Variants in CPD observed in about 807,000 individuals in gnomAD.
The protein encoded by CPD is carboxypeptidase D.
In CPD, 69 loss-of-function variants were observed where a neutral mutation model predicts 138.3. The observed-to-expected ratio is 0.50, with a 90% CI of 0.41 to 0.61. The LOEUF is 0.61. CPD is among the 20% of genes least tolerant of loss of function. The probability of loss-of-function intolerance (pLI) is 0.00; values close to 1 mark genes in which losing one functional copy is unlikely to be tolerated. For missense variants in CPD, 1,432 were observed against 1,733.3 expected, an observed-to-expected ratio of 0.83 and a Z score of 3.09; for synonymous variants, 651 against 642.1, an observed-to-expected ratio of 1.01 and a Z score of -0.21.
At position 30,469,902 on chromosome 17, in the gene CPD, T is replaced by C. The variant is rs530119321; in HGVS notation, c.*5088T>C. On this transcript the variant is annotated 3_prime_UTR_variant, in exon 21 of 21. Coordinates refer to ENST00000225719, the MANE Select transcript of CPD (RefSeq NM_001304.5). ...TCAAGAACCCTTTTGGTTTGTTTCATAAACAGTAATCTAGTTATTATGTTC... is the reference window on the plus strand; with the variant it reads ...TCAAGAACCCTTTTGGTTTGTTTCACAAACAGTAATCTAGTTATTATGTTC... 2 of 152,298 alleles carry C rather than the reference T, an allele frequency of 1.3e-5. No homozygotes were observed. Among genetic ancestry groups the C allele is most frequent in the Admixed American group, 6.5e-5 (1 of 15,304 alleles). 9.4% of individuals were successfully genotyped at this position (152,298 alleles called of 1,614,324 possible). A position where few individuals can be genotyped will look rare whatever the true frequency, so the allele number is the denominator to read the frequency against.
rs1476779881 is a variant in CPD, at chr17:30,422,818, T to C, written c.1452T>C (p.Asn484=). 6 of 1,614,002 alleles carry C rather than the reference T, an allele frequency of 3.7e-6. No individual in the cohort carries two copies. The highest frequency in any genetic ancestry group is 5.1e-6 in the Non-Finnish European group (6 of 1,179,966). The change falls in exon 5 of 21, where the codon AAT becomes AAC. Residue 484 remains asparagine (N), a synonymous_variant. Transcript: ENST00000225719. ...VSTASTVAIP[N]ILSGTSSSYQ... ...CTGCTAGCACAGTTGCTATACCTAA[T>C]ATTCTTTCTGGAACATCATCCTCCT...
chr17:30,441,844 TTCA>T (rs1367428632), intron 9 of CPD, among the ~76,000 whole-genome samples: 3 of 149,096 alleles, frequency 2.0e-5, no homozygotes, highest in Non-Finnish European at 4.5e-5. Flanking sequence ...TGCATCAATG[TTCA>T]TCAAGGATAT....
Position 30,442,345 on chromosome 17 carries a change from C to T in CPD, c.2268C>T (p.Cys756=), listed in dbSNP as rs749927833. The T allele has an allele frequency of 1.2e-6, 2 of 1,613,222 alleles. No homozygotes were observed. Among genetic ancestry groups the T allele is most frequent in the Non-Finnish European group, 1.7e-6 (2 of 1,179,456 alleles). The change falls in exon 10 of 21, where the codon TGC becomes TGT. Residue 756 remains cysteine (C), a synonymous_variant. Coordinates refer to ENST00000225719, the MANE Select transcript of CPD (RefSeq NM_001304.5). ...ACTGGAACTATTTACAAACAAATTG[C>T]TTTGAAGTGACTATTGAACTAGGTT... is the stretch of plus-strand genomic sequence containing the variant. ...MQDWNYLQTN[C]FEVTIELGCV...
chr17:30,458,287 C>T (rs1913354601), intron 17 of CPD, among the ~76,000 whole-genome samples: 2 of 152,110 alleles, frequency 1.3e-5, no homozygotes, highest in South Asian at 4.1e-4. Flanking sequence ...AGTATTTTCT[C>T]CTATTCTTTA....
At chr17:30,411,723 C>A (rs1911973239) in intron 2 of CPD, among the ~76,000 whole-genome samples, 1 of 152,158 alleles carries the variant, frequency 6.6e-6, no homozygotes, top group Admixed American at 6.5e-5. Context: ...CATTTAAGGT[C>A]TTCTCTACAC....
At chr17:30,453,170 G>A (rs1333168206) in intron 14 of CPD, among the ~76,000 whole-genome samples, 12 of 152,048 alleles carry the variant, frequency 7.9e-5, no homozygotes, top group African/African-American at 2.7e-4. Flanking sequence ...GTCCCCCAAA[G>A]TCTTATTTCA....
intron 2 of CPD, among the ~76,000 whole-genome samples, chr17:30,392,980 CT>C (rs1911399951): frequency 6.6e-6 from 1 of 152,168 alleles, no homozygotes; most frequent in Admixed American, 6.5e-5. Flanking sequence ...TTATATTTGT[CT>C]TCTTAAGCCA....
intron 3 of CPD, among the ~76,000 whole-genome samples, chr17:30,421,384 C>T (rs1345179806): frequency 6.6e-6 from 1 of 152,146 alleles, no homozygotes; most frequent in Non-Finnish European, 1.5e-5. Context: ...CAATTGAATA[C>T]ACCAGCAGTT....
chr17:30,427,839 T>A (rs1014307460), intron 7 of CPD, among the ~76,000 whole-genome samples: 2 of 150,724 alleles, frequency 1.3e-5, no homozygotes, highest in Non-Finnish European at 3.0e-5. Flanking sequence ...ACCTACTACT[T>A]CTCTTTCCCT....
intron 17 of CPD, among the ~76,000 whole-genome samples, chr17:30,459,178 C>T (rs963853935): frequency 4.2e-4 from 47 of 113,164 alleles, no homozygotes; most frequent in East Asian, 1.7e-3. Flanking sequence ...TGTTGTTTTC[C>T]TTTTTTTTAA....
intron 2 of CPD, among the ~76,000 whole-genome samples, chr17:30,397,069 AT>A (rs1911528260): frequency 6.6e-6 from 1 of 152,142 alleles, no homozygotes; most frequent in Non-Finnish European, 1.5e-5. Context: ...AAAAGGAACA[AT>A]TTGGTGATTA....
intron 12 of CPD, among the ~76,000 whole-genome samples, chr17:30,446,507 A>T (rs1355263188): frequency 6.6e-6 from 1 of 152,222 alleles, no homozygotes; most frequent in East Asian, 1.9e-4. Flanking sequence ...ACATGAACTC[A>T]TAATTTTTTA....
At position 30,385,020 on chromosome 17, in the gene CPD, T is replaced by C; in HGVS notation, c.778T>C (p.Ser260Pro). 1.9e-6 allele frequency: 3 copies of C among 1,614,080 alleles called. No individual in the cohort carries two copies. The highest frequency in any genetic ancestry group is 2.5e-6 in the Non-Finnish European group (3 of 1,179,952). Residue 260 changes from serine to proline, a missense_variant, in exon 2 of 21, where the codon TCA becomes CCA. Around this residue, in one of 6 missense-constraint regions of CPD, gnomAD observed 484 missense variants for 477.2 expected, o/e 1.01. Coordinates refer to ENST00000225719, the MANE Select transcript of CPD (RefSeq NM_001304.5). The part of the protein sequence containing the change: ...FVLSGNLHGG[S>P]VVASYPFDDS... ...GCTTTCTGGAAATCTGCATGGTGGCTCAGTGGTAGCAAGCTATCCTTTTGA... is the reference window on the plus strand; with the variant it reads ...GCTTTCTGGAAATCTGCATGGTGGCCCAGTGGTAGCAAGCTATCCTTTTGA...
chr17:30,424,729 T>G (rs1912356628), intron 6 of CPD, among the ~76,000 whole-genome samples: 1 of 152,204 alleles, frequency 6.6e-6, no homozygotes, highest in South Asian at 2.1e-4. Flanking sequence ...CCTGGGGCGT[T>G]ATAGTGTGGG....
In CPD at chr17:30,469,606, C is replaced by A. The variant is rs1036757013; in HGVS notation, c.*4792C>A. The A allele has an allele frequency of 3.3e-5, 5 of 151,986 alleles. No individual in the cohort carries two copies. Among genetic ancestry groups the A allele is most frequent in the African/African-American group, 7.2e-5 (3 of 41,392 alleles). The allele number at this position is 151,986 out of a possible 1,614,324, so 9.4% of individuals were successfully genotyped here. A position where few individuals can be genotyped will look rare whatever the true frequency, so the allele number is the denominator to read the frequency against. On this transcript the variant is annotated 3_prime_UTR_variant, in exon 21 of 21. Coordinates refer to ENST00000225719, the MANE Select transcript of CPD (RefSeq NM_001304.5). ...AAATAAAGATCTGTTTATAGGTGAT[C>A]TTTTTAATTTAGAAGAAATTCTGAG...
chr17:30,416,829 G>A (rs1268290388), intron 2 of CPD, among the ~76,000 whole-genome samples: 7 of 152,234 alleles, frequency 4.6e-5, no homozygotes, highest in African/African-American at 1.4e-4. Flanking sequence ...TAGGCCGGGC[G>A]CGGTGGCTCA....
At chr17:30,388,745 C>T (rs948182571) in intron 2 of CPD, among the ~76,000 whole-genome samples, 1 of 152,168 alleles carries the variant, frequency 6.6e-6, no homozygotes, top group Admixed American at 6.5e-5. Flanking sequence ...TCCTAATCCT[C>T]GCTGGGCCTG....
intron 2 of CPD, among the ~76,000 whole-genome samples, chr17:30,417,753 G>A (rs144282630): frequency 6.6e-6 from 1 of 152,098 alleles, no homozygotes; most frequent in Non-Finnish European, 1.5e-5. Flanking sequence ...AATCCCCCAC[G>A]CCTTTCCAGA....
intron 6 of CPD, among the ~76,000 whole-genome samples, chr17:30,424,467 G>A (rs959584579): frequency 3.9e-5 from 6 of 152,208 alleles, no homozygotes; most frequent in Admixed American, 1.3e-4. Context: ...TTGGAGTGCC[G>A]TGGTCAAGAG....
Sources: gnomAD v4.1 joint callset for allele counts (sites outside exome capture counted in the v4.1 genomes callset) on GRCh38, gnomAD v4.1.1 for gene constraint, gnomAD v4.1.1 regional missense constraint, MANE v1.5 for transcripts, NCBI Gene and HGNC (gene_info 2026-07-23, HGNC 2026-07-21) for gene names.